SYT1: variants seen among roughly 807,000 people sequenced by gnomAD.
SYT1 encodes synaptotagmin 1.
A neutral mutation model predicts 44.8 loss-of-function variants in SYT1; 8 were observed. That is an observed-to-expected ratio of 0.18 (90% CI 0.10 to 0.32). The LOEUF (loss-of-function observed/expected upper bound fraction) is 0.32, where lower values mean the gene tolerates loss of function less well. SYT1 is among the 10% of genes least tolerant of loss of function. The pLI, the probability that SYT1 is intolerant of heterozygous loss-of-function variation, is 1.00. For synonymous variants in SYT1, 154 were observed against 188.8 expected (o/e 0.82, Z 1.51); for missense variants, 286 against 509.3 (o/e 0.56, Z 4.22).
intron 8 of SYT1, among the ~76,000 whole-genome samples, chr12:79,352,145 A>G (rs1882931593): frequency 6.6e-6 from 1 of 150,926 alleles, no homozygotes; most frequent in African/African-American, 2.4e-5. Flanking sequence ...TTATAGAAAA[A>G]TTACAATCTT....
chr12:79,016,547 A>G lies in SYT1; in HGVS notation c.-83-30750A>G, dbSNP rs529637182. Among the ~76,000 whole-genome samples the G allele has an allele frequency of 2.6e-5, 4 of 152,274 alleles. No homozygotes were observed. The East Asian group carries it at 7.7e-4, about 29-fold the overall frequency. On this transcript the variant is annotated intron_variant, in intron 2 of 10. Coordinates refer to ENST00000261205, the MANE Select transcript of SYT1 (RefSeq NM_005639.3). Reference sequence around the variant, plus strand: ...AGATCTGGAATCAGTTAAATTATTTACTAAGGGCGCCAGTGTCAGAAAGAT... The same window carrying G: ...AGATCTGGAATCAGTTAAATTATTTGCTAAGGGCGCCAGTGTCAGAAAGAT...
intron 3 of SYT1, among the ~76,000 whole-genome samples, chr12:79,126,552 C>T (rs757007220): frequency 3.9e-5 from 6 of 152,194 alleles, no homozygotes; most frequent in Non-Finnish European, 8.8e-5. Flanking sequence ...AGCCACCATA[C>T]CCGGCCAAAA....
chr12:79,209,079 A>G (rs964559105), intron 3 of SYT1, among the ~76,000 whole-genome samples: 1 of 152,290 alleles, frequency 6.6e-6, no homozygotes. Context: ...TTTCTTCAGT[A>G]GCTGTTTCTT....
At chr12:79,044,446 C>T (rs1327109000) in intron 2 of SYT1, among the ~76,000 whole-genome samples, 11 of 150,616 alleles carry the variant, frequency 7.3e-5, no homozygotes, top group Non-Finnish European at 1.0e-4. Context: ...GCATTCTTCA[C>T]GTAGTTCTCG....
At chr12:79,128,783 AT>A (rs1459347910) in intron 3 of SYT1, among the ~76,000 whole-genome samples, 3 of 152,254 alleles carry the variant, frequency 2.0e-5, no homozygotes, top group Admixed American at 6.5e-5. Flanking sequence ...ATAATAAAAA[AT>A]AAATTAATTT....
At chr12:79,180,488 T>TTAA (rs1308403493) in intron 3 of SYT1, among the ~76,000 whole-genome samples, 66 of 23,694 alleles carry the variant, frequency 2.8e-3, no homozygotes, top group African/African-American at 7.9e-3. Flanking sequence ...TTTTTTTTTT[T>TTAA]AAAAAAAGGA....
At chr12:79,184,681 T>C (rs1031176086) in intron 3 of SYT1, among the ~76,000 whole-genome samples, 1 of 152,064 alleles carries the variant, frequency 6.6e-6, no homozygotes, top group Admixed American at 6.6e-5. Context: ...ATTCAGAATA[T>C]CTAAGATGGT....
Position 79,270,492 on chromosome 12 carries a change from A to T in SYT1, c.167-15295A>T, listed in dbSNP as rs1408395672. Among the ~76,000 whole-genome samples, 5 of 152,220 alleles carry T rather than the reference A, an allele frequency of 3.3e-5. No individual in the cohort carries two copies. The East Asian group carries it at 9.6e-4, about 29-fold the overall frequency. ...CTTGGCTGAAATATCTGGGACTGTT[A>T]CAAATGTACAAGCTTATATTTTTCC... is the stretch of plus-strand genomic sequence containing the variant. On this transcript the variant is annotated intron_variant, in intron 4 of 10. Coordinates refer to ENST00000261205, the MANE Select transcript of SYT1 (RefSeq NM_005639.3).
intron 9 of SYT1, among the ~76,000 whole-genome samples, chr12:79,420,694 C>T (rs1300201281): frequency 6.6e-6 from 1 of 152,066 alleles, no homozygotes; most frequent in Non-Finnish European, 1.5e-5. Context: ...AGTCTTCCAC[C>T]ATTCTAAAGC....
At chr12:79,365,769 C>G (rs1328423297) in intron 9 of SYT1, among the ~76,000 whole-genome samples, 2 of 141,120 alleles carry the variant, frequency 1.4e-5, no homozygotes, top group Admixed American at 7.3e-5. Flanking sequence ...TGCAATTACC[C>G]TAAGTTCAAA....
intron 2 of SYT1, among the ~76,000 whole-genome samples, chr12:79,014,601 T>C (rs1871671193): frequency 6.6e-6 from 1 of 152,088 alleles, no homozygotes; most frequent in African/African-American, 2.4e-5. Flanking sequence ...GGAACACTTT[T>C]ACACTGTTGG....
intron 4 of SYT1, among the ~76,000 whole-genome samples, chr12:79,243,840 A>T (rs1876659243): frequency 6.6e-6 from 1 of 151,950 alleles, no homozygotes; most frequent in Non-Finnish European, 1.5e-5. Flanking sequence ...AGAGGAAGAA[A>T]AAAGGAAGAA....
At chr12:79,368,213 C>A (rs1883631846) in intron 9 of SYT1, among the ~76,000 whole-genome samples, 1 of 152,112 alleles carries the variant, frequency 6.6e-6, no homozygotes, top group Non-Finnish European at 1.5e-5. Context: ...CATGTCCCTA[C>A]AAAGGACATG....
At chr12:79,175,199 G>A (rs1332573173) in intron 3 of SYT1, among the ~76,000 whole-genome samples, 2 of 152,042 alleles carry the variant, frequency 1.3e-5, no homozygotes, top group Admixed American at 6.6e-5. Flanking sequence ...TTCAATTTTA[G>A]TTCTAATAGA....
Position 79,448,441 on chromosome 12 carries a change from A to G in SYT1, c.1063-477A>G, listed in dbSNP as rs151132468. ...GTCCCCCCACCCTTAAAATCAGATTATTGCACATGGTTGCCTTGGGAATTG... is the reference window on the plus strand; with the variant it reads ...GTCCCCCCACCCTTAAAATCAGATTGTTGCACATGGTTGCCTTGGGAATTG... On this transcript the variant is annotated intron_variant, in intron 10 of 10. Coordinates refer to ENST00000261205, the MANE Select transcript of SYT1 (RefSeq NM_005639.3). Among the ~76,000 whole-genome samples the G allele has an allele frequency of 3.2e-3, 485 of 152,278 alleles. 6 individuals carry two copies. The highest frequency in any genetic ancestry group is 0.011 in the African/African-American group (455 of 41,564).
chr12:79,146,173 C>A (rs1260876504), intron 3 of SYT1, among the ~76,000 whole-genome samples: 1 of 152,202 alleles, frequency 6.6e-6, no homozygotes, highest in East Asian at 1.9e-4. Flanking sequence ...GAATGTACAG[C>A]CTGTGTCCTA....
intron 4 of SYT1, among the ~76,000 whole-genome samples, chr12:79,244,891 A>G (rs79310469): frequency 6.6e-6 from 1 of 152,188 alleles, no homozygotes; most frequent in East Asian, 1.9e-4. Flanking sequence ...TGTGGCAATA[A>G]TGGAATGAGA....
At chr12:79,360,039 A>C (rs1035924013) in intron 9 of SYT1, among the ~76,000 whole-genome samples, 2 of 152,172 alleles carry the variant, frequency 1.3e-5, no homozygotes, top group African/African-American at 4.8e-5. Flanking sequence ...AGGGGTGGGA[A>C]CCTGGAAATT....
intron 3 of SYT1, among the ~76,000 whole-genome samples, chr12:79,075,548 C>G (rs1041477826): frequency 6.6e-5 from 10 of 152,148 alleles, no homozygotes; most frequent in African/African-American, 2.4e-4. Context: ...ACATCTGATG[C>G]TTTAACATTT....
Sources: gnomAD v4.1 joint callset for allele counts (sites outside exome capture counted in the v4.1 genomes callset) on GRCh38, gnomAD v4.1.1 for gene constraint, MANE v1.5 for transcripts, NCBI Gene and HGNC (gene_info 2026-07-23, HGNC 2026-07-21) for gene names.